The following CSMD3 variants were observed in gnomAD, a reference collection of about 807,000 sequenced individuals.
CSMD3 encodes the protein CUB and Sushi multiple domains 3.
Under a neutral mutation model 435.2 loss-of-function variants are expected in CSMD3, and 177 were observed. That is an observed-to-expected ratio of 0.41 (90% CI 0.36 to 0.46). CSMD3 has a LOEUF of 0.46. CSMD3 is among the 20% of genes least tolerant of loss of function. The pLI, the probability that CSMD3 is intolerant of heterozygous loss-of-function variation, is 0.34. For missense variants in CSMD3, 4,265 were observed against 4,504.6 expected (o/e 0.95, Z 1.52); for synonymous variants, 1,656 against 1,520.5 (o/e 1.09, Z -2.07).
At chr8:112,734,830 T>C (rs2077151382) in intron 13 of CSMD3, among the ~76,000 whole-genome samples, 1 of 152,006 alleles carries the variant, frequency 6.6e-6, no homozygotes, top group Non-Finnish European at 1.5e-5. Flanking sequence ...GAAGATATAT[T>C]TGCAATGGCA....
chr8:112,585,793 A>G (rs901507403), intron 23 of CSMD3, among the ~76,000 whole-genome samples: 10 of 151,620 alleles, frequency 6.6e-5, no homozygotes, highest in African/African-American at 2.4e-4. Flanking sequence ...GATCTTATCT[A>G]TGCATTGATA....
At chr8:112,365,282 C>T (rs1045688826) in intron 38 of CSMD3, among the ~76,000 whole-genome samples, 2 of 151,926 alleles carry the variant, frequency 1.3e-5, no homozygotes, top group African/African-American at 4.8e-5. Context: ...TTTTTCTCAA[C>T]CTTTCCATTA....
intron 13 of CSMD3, among the ~76,000 whole-genome samples, chr8:112,690,587 AC>A (rs5894099): frequency 0.53 from 69,500 of 130,932 alleles, 17,190 homozygotes; most frequent in African/African-American, 0.62. Context: ...TCCCAACTAG[AC>A]CCCCCCCCCC....
chr8:112,428,197 C>T (rs1386087244), intron 32 of CSMD3, among the ~76,000 whole-genome samples: 3 of 152,092 alleles, frequency 2.0e-5, no homozygotes, highest in Admixed American at 6.6e-5. Context: ...TTTATTAATG[C>T]TTGTTAAGCA....
At chr8:112,234,720 T>A (rs186752013) in intron 67 of CSMD3, among the ~76,000 whole-genome samples, 1 of 152,312 alleles carries the variant, frequency 6.6e-6, no homozygotes, top group Admixed American at 6.5e-5. Context: ...TTACCTATGC[T>A]ATCACAATTA....
At chr8:112,729,750 A>T (rs2077038062) in intron 13 of CSMD3, among the ~76,000 whole-genome samples, 1 of 152,062 alleles carries the variant, frequency 6.6e-6, no homozygotes, top group Admixed American at 6.6e-5. Flanking sequence ...GAAGACAATC[A>T]AAATAGAGAG....
chr8:112,710,630 A>G (rs2131916661), intron 13 of CSMD3, among the ~76,000 whole-genome samples: 1 of 151,934 alleles, frequency 6.6e-6, no homozygotes, highest in Admixed American at 6.6e-5. Flanking sequence ...TGGGAGAAAG[A>G]CAAGGAAAGT....
Position 112,944,880 on chromosome 8 carries a change from C to T in CSMD3, c.1508+2910G>A, listed in dbSNP as rs927655086. Among the ~76,000 whole-genome samples, 4 of 151,320 alleles carry T rather than the reference C, an allele frequency of 2.6e-5. No homozygotes were observed. The South Asian group carries it at 6.2e-4, about 24-fold the overall frequency. ...CATCACAAGTTCTCTTGTCTTTCTA[C>T]TTATTTTAAATGATGTTATCTACAC... is the stretch of plus-strand genomic sequence containing the variant. On this transcript the variant is annotated intron_variant, in intron 9 of 70. Coordinates refer to ENST00000297405, the MANE Select transcript of CSMD3 (RefSeq NM_198123.2).
intron 4 of CSMD3, among the ~76,000 whole-genome samples, chr8:113,107,441 C>T (rs936892585): frequency 3.9e-5 from 6 of 152,304 alleles, no homozygotes; most frequent in African/African-American, 1.2e-4. Context: ...CCCCCAGTTT[C>T]CGCCAGGTAT....
chr8:113,353,751 T>C (rs1028112487), intron 1 of CSMD3, among the ~76,000 whole-genome samples: 5 of 152,102 alleles, frequency 3.3e-5, no homozygotes, highest in Admixed American at 2.6e-4. Context: ...TGAAGAGGAC[T>C]TTTTTCCCCC....
intron 32 of CSMD3, among the ~76,000 whole-genome samples, chr8:112,414,830 C>G (rs148321104): frequency 6.6e-6 from 1 of 152,178 alleles, no homozygotes; most frequent in Non-Finnish European, 1.5e-5. Flanking sequence ...AAAGGTGATT[C>G]TTTCTCTGCT....
intron 61 of CSMD3, among the ~76,000 whole-genome samples, chr8:112,257,675 A>G (rs181507272): frequency 6.6e-6 from 1 of 152,350 alleles, no homozygotes; most frequent in East Asian, 1.9e-4. Context: ...ATGGATAGGA[A>G]GAATTAATAT....
At chr8:112,535,461 C>A (rs1026233427) in intron 27 of CSMD3, among the ~76,000 whole-genome samples, 1 of 151,340 alleles carries the variant, frequency 6.6e-6, no homozygotes, top group Non-Finnish European at 1.5e-5. Flanking sequence ...ATCCAACTTA[C>A]AAGGGATGTG....
intron 13 of CSMD3, among the ~76,000 whole-genome samples, chr8:112,799,533 C>A (rs2078912064): frequency 6.6e-6 from 1 of 151,880 alleles, no homozygotes; most frequent in African/African-American, 2.4e-5. Context: ...TTCTAATATG[C>A]ACATTGTGTG....
intron 12 of CSMD3, among the ~76,000 whole-genome samples, chr8:112,807,613 A>G (rs1563980634): frequency 6.6e-6 from 1 of 152,126 alleles, no homozygotes. Context: ...TTTGAGGGGA[A>G]GTAAAATATC....
chr8:113,418,354 G>A (rs1218052993), intron 1 of CSMD3, among the ~76,000 whole-genome samples: 1 of 152,078 alleles, frequency 6.6e-6, no homozygotes, highest in Admixed American at 6.6e-5. Flanking sequence ...ACAGTTTAGT[G>A]CAAACCAATG....
chr8:112,680,338 A>G (rs1360369541), intron 16 of CSMD3, among the ~76,000 whole-genome samples: 1 of 152,162 alleles, frequency 6.6e-6, no homozygotes, highest in Non-Finnish European at 1.5e-5. Context: ...AGCCTGGGTG[A>G]CAAAAGCAAA....
chr8:112,880,184 G>C (rs891794746), intron 10 of CSMD3, among the ~76,000 whole-genome samples: 2 of 152,088 alleles, frequency 1.3e-5, no homozygotes, highest in Non-Finnish European at 1.5e-5. Context: ...AGAGTAATTT[G>C]GTTATCACTT....
chr8:112,398,617 G>T (rs1369600450), intron 35 of CSMD3, among the ~76,000 whole-genome samples: 2 of 152,130 alleles, frequency 1.3e-5, no homozygotes, highest in Non-Finnish European at 2.9e-5. Flanking sequence ...AGACCCACAG[G>T]AACTATCCCT....
Sources: allele counts gnomAD v4.1 joint callset (sites outside exome capture counted in the v4.1 genomes callset), GRCh38; gene constraint gnomAD v4.1.1; transcripts MANE v1.5; gene names NCBI Gene and HGNC (gene_info 2026-07-23, HGNC 2026-07-21).